Variants in ALG6 observed in about 807,000 individuals in gnomAD.
ALG6 encodes the protein dolichyl pyrophosphate Man9GlcNAc2 alpha-1,3-glucosyltransferase.
ALG6 carries 46 observed loss-of-function variants against 66.6 expected under a neutral mutation model. The observed-to-expected ratio is 0.69, with a 90% CI of 0.55 to 0.88. The LOEUF is 0.88. Among genes scored for constraint, ALG6 ranks in the 40% least tolerant of loss-of-function variants. ALG6 has a pLI of 0.00. For synonymous variants in ALG6, 185 were observed against 203.7 expected (o/e 0.91, Z 0.78); for missense variants, 505 against 586.8 (o/e 0.86, Z 1.44).
intron 2 of ALG6, among the ~76,000 whole-genome samples, chr1:63,388,727 T>G (rs1480344234): frequency 6.6e-6 from 1 of 152,236 alleles, no homozygotes; most frequent in African/African-American, 2.4e-5. Flanking sequence ...GTTGAAGAAC[T>G]CCCTTTAGCA....
At chr1:63,381,606 C>T (rs1384851229) in intron 2 of ALG6, among the ~76,000 whole-genome samples, 1 of 150,250 alleles carries the variant, frequency 6.7e-6, no homozygotes, top group African/African-American at 2.4e-5. Context: ...GATCACACCA[C>T]TGGACTCCAG....
chr1:63,396,524 C>A lies in ALG6; in HGVS notation c.94C>A (p.Pro32Thr). ...ACCTTTGATCTTAGGTGCTGGTAAA[C>A]CGCCTATGTTTGGTGATTATGAAGC... ...SLNSYSGAGKPPMFGDYEAQR... is the reference protein window; with the variant it reads ...SLNSYSGAGKTPMFGDYEAQR... Residue 32 changes from proline (P) to threonine (T), a missense_variant, in exon 3 of 15, where the codon CCG becomes ACG. Physicochemically the swap from Pro to Thr is conservative, Grantham distance 38. Transcript: ENST00000263440. The A allele has an allele frequency of 1.2e-6, 2 of 1,613,946 alleles. No individual in the cohort carries two copies. Among genetic ancestry groups the A allele is most frequent in the Non-Finnish European group, 1.7e-6 (2 of 1,179,910 alleles).
intron 3 of ALG6, among the ~76,000 whole-genome samples, chr1:63,401,714 G>T (rs1475673704): frequency 6.6e-6 from 1 of 152,248 alleles, no homozygotes; most frequent in Non-Finnish European, 1.5e-5. Context: ...TTATTTATGG[G>T]TTATATAGTT....
At chr1:63,413,162 G>C (rs774393512) in intron 9 of ALG6, among the ~76,000 whole-genome samples, 8 of 152,016 alleles carry the variant, frequency 5.3e-5, no homozygotes, top group Non-Finnish European at 1.0e-4. Flanking sequence ...AGAAAACTGA[G>C]GTCAAAGATT....
rs1644518534 is a variant in ALG6 at position 63,411,958 on chromosome 1, T to C, written c.713T>C (p.Val238Ala). ...FVLLVKLACI[V>A]VASFVLCWLP... Reference sequence around the variant, plus strand: ...TTGCTAGTTAAGCTAGCTTGTATTGTTGTGGCTTCCTTCGTTCTCTGCTGG... The same window carrying C: ...TTGCTAGTTAAGCTAGCTTGTATTGCTGTGGCTTCCTTCGTTCTCTGCTGG... Residue 238 changes from valine to alanine, a missense_variant, in exon 9 of 15, where the codon GTT becomes GCT. Physicochemically the swap from Val to Ala is moderately conservative, Grantham distance 64. Transcript: ENST00000263440. 1 of 1,614,012 alleles carries C rather than the reference T, an allele frequency of 6.2e-7. No individual in the cohort carries two copies. Among genetic ancestry groups the C allele is most frequent in the South Asian group, 1.1e-5 (1 of 91,090 alleles).
At position 63,392,667 on chromosome 1, in the gene ALG6, G is replaced by A. The variant is rs147300434; in HGVS notation, c.83-3846G>A. 9.6e-3 allele frequency among the ~76,000 whole-genome samples: 1,463 copies of A among 152,302 alleles called. 23 individuals are homozygous for A. The highest frequency in any genetic ancestry group is 0.033 in the African/African-American group (1,351 of 41,550). ...TGCTTAAGCCCATTTTTCTGAGAAT[G>A]AGACAGAATTGAAGCTGAGTAAATA... On this transcript the variant is annotated intron_variant, in intron 2 of 14. Coordinates refer to ENST00000263440, the MANE Select transcript of ALG6 (RefSeq NM_013339.4).
chr1:63,372,764 A>G (rs1041935563), intron 2 of ALG6, among the ~76,000 whole-genome samples: 1 of 151,844 alleles, frequency 6.6e-6, no homozygotes, highest in African/African-American at 2.4e-5. Context: ...GTTTCAAGCT[A>G]TTCTCCTGCC....
rs866982063 is a variant in ALG6, at chr1:63,423,093, T to A, written c.1058+3653T>A. ...TGCTAGAGTGCAGTGGCGTGATCTT[T>A]GCTCACTGCAGCCTCTGCCTCCCGG... On this transcript the variant is annotated intron_variant, in intron 12 of 14. Coordinates refer to ENST00000263440, the MANE Select transcript of ALG6 (RefSeq NM_013339.4). 2.4e-4 allele frequency among the ~76,000 whole-genome samples: 36 copies of A among 151,744 alleles called. 1 individual carries two copies. The South Asian group carries it at 3.3e-3, about 14-fold the overall frequency.
In ALG6 at chr1:63,371,040, G is replaced by A. The variant is rs1647908648; in HGVS notation, c.63G>A (p.Val21=). Residue 21 remains valine (V), a synonymous_variant, in exon 2 of 15, where the codon GTG becomes GTA. Coordinates refer to ENST00000263440, the MANE Select transcript of ALG6 (RefSeq NM_013339.4). The part of the protein sequence containing the change: ...VLIGLTVRWT[V]SLNSYSGAGK... ...TAGGACTAACAGTACGATGGACAGT[G>A]TCTCTTAATTCTTATTCAGGTAATA... 6.2e-7 allele frequency: 1 copy of A among 1,606,364 alleles called. No homozygotes were observed. Among genetic ancestry groups the A allele is most frequent in the African/African-American group, 1.3e-5 (1 of 74,654 alleles).
chr1:63,376,563 T>C (rs1648137732), intron 2 of ALG6, among the ~76,000 whole-genome samples: 1 of 152,236 alleles, frequency 6.6e-6, no homozygotes, highest in Non-Finnish European at 1.5e-5. Context: ...ATTTCTAATG[T>C]GACATCTACT....
intron 4 of ALG6, 117 bp from the exon 5 acceptor site, chr1:63,404,336 G>C: frequency 1.2e-6 from 1 of 856,302 alleles, no homozygotes; most frequent in Non-Finnish European, 2.0e-6. Flanking sequence ...TGACTCTGTT[G>C]CTTTATAAGA....
At position 63,438,069 on chromosome 1, in the gene ALG6, A is replaced by G. The variant is rs1644696606; in HGVS notation, c.*1049A>G. ...TTAAGGAATATATTTCTTCTTTCAT[A>G]AGATAGCCATTAAACTATATTAAGT... On this transcript the variant is annotated 3_prime_UTR_variant, in exon 15 of 15. Coordinates refer to ENST00000263440, the MANE Select transcript of ALG6 (RefSeq NM_013339.4). 6.6e-6 allele frequency: 1 copy of G among 152,188 alleles called. No homozygotes were observed. Among genetic ancestry groups the G allele is most frequent in the Non-Finnish European group, 1.5e-5 (1 of 68,044 alleles). 9.4% of individuals were successfully genotyped at this position (152,188 alleles called of 1,614,324 possible).
chr1:63,404,892 T>C (rs1644482926), intron 5 of ALG6, among the ~76,000 whole-genome samples: 1 of 152,180 alleles, frequency 6.6e-6, no homozygotes, highest in African/African-American at 2.4e-5. Flanking sequence ...TTTTTTAGGG[T>C]GCTGCTTTAA....
intron 2 of ALG6, among the ~76,000 whole-genome samples, chr1:63,391,569 C>T (rs941645452): frequency 2.0e-5 from 3 of 152,166 alleles, no homozygotes; most frequent in Non-Finnish European, 2.9e-5. Flanking sequence ...TGCACCTGCC[C>T]TTCCTCAGAT....
At chr1:63,398,387 A>G (rs1034689830) in intron 3 of ALG6, among the ~76,000 whole-genome samples, 1 of 152,242 alleles carries the variant, frequency 6.6e-6, no homozygotes, top group African/African-American at 2.4e-5. Context: ...ACGTACCCTG[A>G]CCAACATTTA....
chr1:63,401,540 C>A (rs1394450951), intron 3 of ALG6, among the ~76,000 whole-genome samples: 1 of 151,216 alleles, frequency 6.6e-6, no homozygotes, highest in Admixed American at 6.6e-5. Context: ...GTGGTGGGTG[C>A]CTGTAATCCA....
intron 9 of ALG6, among the ~76,000 whole-genome samples, chr1:63,412,984 G>C (rs1220369823): frequency 6.6e-6 from 1 of 152,200 alleles, no homozygotes; most frequent in Non-Finnish European, 1.5e-5. Flanking sequence ...GTTTGGTGTT[G>C]TGAAGGAACA....
chr1:63,419,847 CTT>C (rs5774651), intron 12 of ALG6, among the ~76,000 whole-genome samples: 6 of 151,920 alleles, frequency 3.9e-5, no homozygotes, highest in Non-Finnish European at 8.8e-5. Flanking sequence ...CCTTCTTTCT[CTT>C]TTTTTGCCAC....
chr1:63,405,459 T>A lies in ALG6; in HGVS notation c.347-858T>A, dbSNP rs74880649. Among the ~76,000 whole-genome samples the A allele has an allele frequency of 2.5e-4, 38 of 152,262 alleles. No individual in the cohort carries two copies. In the East Asian group the frequency reaches 7.1e-3, roughly 29 times the overall value. On this transcript the variant is annotated intron_variant, in intron 5 of 14. Coordinates refer to ENST00000263440, the MANE Select transcript of ALG6 (RefSeq NM_013339.4). ...CTAGGGTTACAGAGAACAAGTCTGA[T>A]CCCTTGTATCCCTAACATCCTACAG...
Sources: gnomAD v4.1 joint callset for allele counts (sites outside exome capture counted in the v4.1 genomes callset) on GRCh38, gnomAD v4.1.1 for gene constraint, MANE v1.5 for transcripts, NCBI Gene and HGNC (gene_info 2026-07-23, HGNC 2026-07-21) for gene names.